BRF1: variants seen among roughly 807,000 people sequenced by gnomAD.
BRF1 encodes transcription factor IIIB 90 kDa subunit.
A neutral mutation model predicts 81.7 loss-of-function variants in BRF1; 59 were observed. The ratio of observed to expected loss-of-function variants is 0.72; its 90% CI spans 0.59 to 0.90. The LOEUF is 0.90. BRF1 is among the 40% of genes least tolerant of loss of function. The pLI is 0.00. For missense variants in BRF1, 1,050 were observed against 936.3 expected (o/e 1.12, Z -1.58); for synonymous variants, 491 against 395.6 (o/e 1.24, Z -2.86).
At position 105,315,017 on chromosome 14, in the gene BRF1, C is replaced by A; in HGVS notation, c.-162+305G>T. 8.1e-7 allele frequency: 1 copy of A among 1,238,368 alleles called. No individual in the cohort carries two copies. The highest frequency in any genetic ancestry group is 1.0e-6 in the Non-Finnish European group (1 of 971,642). The allele number at this position is 1,238,368 out of a possible 1,614,324, so 76.7% of individuals were successfully genotyped here. On this transcript the variant is annotated intron_variant, in intron 1 of 17. Transcript: ENST00000327359. This position sits in a 1 kb window ranked among gnomAD's most constrained non-coding sequence, Gnocchi z 4.4. ...TCGCCACCTGGGAGGTGGACGGCTC[C>A]AGCCCCAGCTGCGTGCCCAGGTACG...
intron 2 of BRF1, among the ~76,000 whole-genome samples, chr14:105,278,519 G>A (rs113808325): frequency 6.0e-4 from 92 of 152,100 alleles, no homozygotes; most frequent in African/African-American, 2.0e-3. Flanking sequence ...AAACACAAGA[G>A]TATCTTCAGA....
At position 105,212,098 on chromosome 14, in the gene BRF1, C is replaced by T. The variant is rs371012949; in HGVS notation, c.1824+15G>A. ...TCCCAAGGTCTCCCTGCCCTGGCTG[C>T]GTGGGACAACACACCTCTCCCGTGG... is the stretch of plus-strand genomic sequence containing the variant. On this transcript the variant is annotated intron_variant, in intron 16 of 17. Coordinates refer to ENST00000547530, the MANE Select transcript of BRF1 (RefSeq NM_001519.4). 9.3e-6 allele frequency: 15 copies of T among 1,611,708 alleles called. No individual in the cohort carries two copies. The highest frequency in any genetic ancestry group is 1.2e-5 in the Non-Finnish European group (14 of 1,179,258).
chr14:105,221,075 C>A (rs982475785), intron 11 of BRF1, among the ~76,000 whole-genome samples: 7 of 152,224 alleles, frequency 4.6e-5, no homozygotes, highest in Non-Finnish European at 8.8e-5. Flanking sequence ...TGGTGCCCGA[C>A]GGGAGGCAGG....
At chr14:105,292,749 G>C (rs901551271) in intron 1 of BRF1, among the ~76,000 whole-genome samples, 1 of 152,108 alleles carries the variant, frequency 6.6e-6, no homozygotes, top group Non-Finnish European at 1.5e-5. Flanking sequence ...GGCCAAGCAC[G>C]GCAGCCCACA....
intron 3 of BRF1, among the ~76,000 whole-genome samples, chr14:105,270,783 C>A (rs1236045031): frequency 6.6e-6 from 1 of 151,140 alleles, no homozygotes; most frequent in African/African-American, 2.4e-5. Flanking sequence ...AGAGCAAGAC[C>A]CTGTCTGGAA....
chr14:105,215,375 T>C (rs1890950431), intron 15 of BRF1, among the ~76,000 whole-genome samples: 1 of 150,170 alleles, frequency 6.7e-6, no homozygotes, highest in African/African-American at 2.5e-5. Context: ...CACATAGGCG[T>C]GCACACCTGC....
chr14:105,212,272 C>T (rs952965470), intron 15 of BRF1, 108 bp from the exon 16 acceptor site: 1 of 1,436,466 alleles, frequency 7.0e-7, no homozygotes, highest in Non-Finnish European at 9.4e-7. Context: ...GACTGTTTCT[C>T]TGTCCCTTTG....
intron 14 of BRF1, 97 bp from the exon 15 acceptor site, chr14:105,217,897 G>C: frequency 6.5e-7 from 1 of 1,535,882 alleles, no homozygotes; most frequent in Admixed American, 1.8e-5. Flanking sequence ...GGCGGGTGAG[G>C]CCTGGCTCAG....
At chr14:105,295,872 A>G (rs2057717253) in intron 1 of BRF1, among the ~76,000 whole-genome samples, 1 of 151,754 alleles carries the variant, frequency 6.6e-6, no homozygotes, top group Non-Finnish European at 1.5e-5. Context: ...TGAGATTAGA[A>G]GTTCAAGACC....
At chr14:105,247,835 C>A in intron 5 of BRF1, 1 of 985,664 alleles carries the variant, frequency 1.0e-6, no homozygotes, top group Non-Finnish European at 1.2e-6. Context: ...CCAGGTGACA[C>A]GGCCTCTGAA....
chr14:105,220,684 A>T (rs1264361851), intron 11 of BRF1, among the ~76,000 whole-genome samples: 3 of 152,156 alleles, frequency 2.0e-5, no homozygotes, highest in Non-Finnish European at 4.4e-5. Context: ...GCATCTGCAC[A>T]GCCTGGAATT....
intron 1 of BRF1, among the ~76,000 whole-genome samples, chr14:105,296,705 A>T (rs1196514103): frequency 6.6e-6 from 1 of 151,598 alleles, no homozygotes; most frequent in Non-Finnish European, 1.5e-5. Context: ...AAAAAAAAAA[A>T]ACCTCTTAGA....
At chr14:105,314,702 G>A (rs2058481158) in intron 1 of BRF1, 1 of 142,690 alleles carries the variant, frequency 7.0e-6, no homozygotes, top group Non-Finnish European at 1.5e-5. Context: ...GGCCGGGGGC[G>A]CGCGGGGCGC....
rs1271133504 is a variant in BRF1, at chr14:105,315,280, C to T, written c.-162+42G>A. 1 of 160,862 alleles carries T rather than the reference C, an allele frequency of 6.2e-6. No individual in the cohort carries two copies. Among genetic ancestry groups the T allele is most frequent in the African/African-American group, 2.4e-5 (1 of 41,598 alleles). 10.0% of individuals were successfully genotyped at this position (160,862 alleles called of 1,614,324 possible). On this transcript the variant is annotated intron_variant, in intron 1 of 17. Coordinates refer to the BRF1 transcript ENST00000327359. This position sits in a 1 kb window ranked among gnomAD's most constrained non-coding sequence, Gnocchi z 4.4. ...CTCAGCTTCCGAGGACCCGGTGCTG[C>T]TCAGACCCGGCGGGACCTTGGGGCT...
At chr14:105,221,057 C>A (rs1047409664) in intron 11 of BRF1, among the ~76,000 whole-genome samples, 1 of 152,250 alleles carries the variant, frequency 6.6e-6, no homozygotes, top group Non-Finnish European at 1.5e-5. Flanking sequence ...CACACAGAGG[C>A]CAGGCCCTGG....
chr14:105,229,261 G>C (rs963912733), intron 6 of BRF1, among the ~76,000 whole-genome samples: 3 of 152,254 alleles, frequency 2.0e-5, no homozygotes, highest in Non-Finnish European at 4.4e-5. Flanking sequence ...AGGATGCGGA[G>C]CCAGGCTGGG....
rs778312875 is a variant in BRF1, at chr14:105,286,346, C to T, written c.215G>A (p.Gly72Asp). ...CTCCTTCCCCAGATTCACGTGGAAG[C>T]CGCCACCCAGAGTCGGGGTTTTGCC... ...GAGKTPTLGG[G>D]FHVNLGKESR... The change falls in exon 2 of 18, where the codon GGC becomes GAC. Residue 72 changes from glycine to aspartate, a missense_variant. By Grantham distance (94) the Gly-to-Asp change is moderately conservative. Coordinates refer to ENST00000547530, the MANE Select transcript of BRF1 (RefSeq NM_001519.4). The T allele has an allele frequency of 6.2e-7, 1 of 1,613,684 alleles. No individual in the cohort carries two copies.
intron 1 of BRF1, among the ~76,000 whole-genome samples, chr14:105,306,447 G>A (rs1341756116): frequency 1.3e-5 from 2 of 151,934 alleles, no homozygotes; most frequent in African/African-American, 2.4e-5. Context: ...GGGATTACAG[G>A]TGCATGCCAC....
At chr14:105,256,251 C>A in intron 4 of BRF1, 1 of 1,542,460 alleles carries the variant, frequency 6.5e-7, no homozygotes, top group Non-Finnish European at 8.7e-7. Flanking sequence ...TCACTGTTCA[C>A]CCAGGCCTAG....
Sources: gnomAD v4.1 joint callset for allele counts (sites outside exome capture counted in the v4.1 genomes callset) on GRCh38, gnomAD v4.1.1 for gene constraint, Gnocchi (gnomAD v3.1) non-coding constraint, MANE v1.5 for transcripts, NCBI Gene and HGNC (gene_info 2026-07-23, HGNC 2026-07-21) for gene names.